Variants in PDK3 observed in about 807,000 individuals in gnomAD.
PDK3 encodes pyruvate dehydrogenase kinase, isozyme 3.
A neutral mutation model predicts 32.0 loss-of-function variants in PDK3; 12 were observed. The observed-to-expected ratio is 0.37, with a 90% CI of 0.24 to 0.61. The LOEUF is 0.61. PDK3 is among the 20% of genes least tolerant of loss of function. PDK3 has a pLI of 0.65. For missense variants in PDK3, 188 were observed against 316.9 expected (o/e 0.59, Z 3.09); for synonymous variants, 122 against 116.3 (o/e 1.05, Z -0.31).
intron 1 of PDK3, among the ~76,000 whole-genome samples, chrX:24,492,497 G>A: frequency 9.0e-6 from 1 of 111,190 alleles, no homozygotes; most frequent in Non-Finnish European, 1.9e-5. Context: ...GCTGAGGCAC[G>A]AGAGCCGCTT....
chrX:24,543,281 T>C (rs1224390464), exon 12 of PDK3, among the ~76,000 whole-genome samples: 2 of 110,929 alleles, frequency 1.8e-5, no homozygotes, highest in Non-Finnish European at 3.8e-5. Context: ...CAGTTATCTT[T>C]CCTTAGATGG....
intron 3 of PDK3, among the ~76,000 whole-genome samples, chrX:24,502,652 T>C (rs1198124832): frequency 9.0e-6 from 1 of 111,610 alleles, no homozygotes; most frequent in Non-Finnish European, 1.9e-5. Flanking sequence ...AAGACCAGCC[T>C]GGCCAATATG....
At chrX:24,489,272 A>G (rs1448995098) in intron 1 of PDK3, among the ~76,000 whole-genome samples, 2 of 112,405 alleles carry the variant, frequency 1.8e-5, no homozygotes, top group Admixed American at 9.4e-5. Context: ...AAAAAGACTT[A>G]TCCTCCTATT....
rs761583492 is a variant in PDK3 at position 24,505,117 on chromosome X, T to C, written c.506-92T>C. On this transcript the variant is annotated intron_variant, in intron 4 of 10. Transcript: ENST00000379162. ...TAAAATGATTTTTACACATAAGATA[T>C]CCTTTCTAAACATAAGCCCCTATAT... 79 of 550,506 alleles carry C rather than the reference T, an allele frequency of 1.4e-4. No individual in the cohort carries two copies. The African/African-American group carries it at 1.6e-3, about 11-fold the overall frequency. The allele number at this position is 550,506 out of a possible 1,213,427, so 45.4% of individuals were successfully genotyped here.
intron 5 of PDK3, chrX:24,513,721 G>GT (rs1355877490): frequency 1.8e-5 from 2 of 111,625 alleles, no homozygotes; most frequent in Non-Finnish European, 3.8e-5. Context: ...TTGAGAACTT[G>GT]TTTTTTTAGG....
chrX:24,471,013 T>C (rs1920985939), intron 1 of PDK3, among the ~76,000 whole-genome samples: 1 of 110,580 alleles, frequency 9.0e-6, no homozygotes, highest in Non-Finnish European at 1.9e-5. Flanking sequence ...TGAGAACACA[T>C]GGACACGGCA....
At chrX:24,482,024 A>C (rs1921273306) in intron 1 of PDK3, among the ~76,000 whole-genome samples, 1 of 112,085 alleles carries the variant, frequency 8.9e-6, no homozygotes, top group African/African-American at 3.2e-5. Flanking sequence ...TATGAGGCCA[A>C]GGGAACTTAC....
chrX:24,532,862 G>A (rs1339151410), intron 10 of PDK3, among the ~76,000 whole-genome samples: 1 of 110,643 alleles, frequency 9.0e-6, no homozygotes, highest in Non-Finnish European at 1.9e-5. Flanking sequence ...TTAAACAGTG[G>A]CATAACATGC....
At chrX:24,537,558 A>G (rs1160637995), downstream of PDK3, among the ~76,000 whole-genome samples, 4 of 110,921 alleles carry the variant, frequency 3.6e-5, no homozygotes, top group Non-Finnish European at 5.7e-5. Context: ...AATATATTTT[A>G]AATCATAAGT....
intron 1 of PDK3, among the ~76,000 whole-genome samples, chrX:24,474,948 A>T (rs778283682): frequency 3.6e-5 from 4 of 111,950 alleles, no homozygotes; most frequent in Non-Finnish European, 7.5e-5. Context: ...TTTCCTTTAG[A>T]ACATATTTTA....
At chrX:24,475,925 A>G (rs1050149824) in intron 1 of PDK3, among the ~76,000 whole-genome samples, 1 of 111,506 alleles carries the variant, frequency 9.0e-6, no homozygotes, top group Non-Finnish European at 1.9e-5. Context: ...TTACTGATCT[A>G]TTGATGGTTG....
intron 1 of PDK3, among the ~76,000 whole-genome samples, chrX:24,473,553 C>T (rs1602099867): frequency 9.2e-6 from 1 of 108,598 alleles, no homozygotes; most frequent in Non-Finnish European, 1.9e-5. Flanking sequence ...TCTCCTGCCT[C>T]AGCCTCCCGA....
chrX:24,480,422 G>A (rs1301296561), intron 1 of PDK3, among the ~76,000 whole-genome samples: 1 of 112,268 alleles, frequency 8.9e-6, no homozygotes, highest in Admixed American at 9.5e-5. Context: ...GCTAGTCCAT[G>A]GTTCTCAGTC....
downstream of PDK3, among the ~76,000 whole-genome samples, chrX:24,537,689 G>A (rs1024398916): frequency 9.0e-6 from 1 of 111,452 alleles, no homozygotes; most frequent in African/African-American, 3.3e-5. Flanking sequence ...CAATGCAACA[G>A]AAAGATATTT....
intron 1 of PDK3, among the ~76,000 whole-genome samples, chrX:24,469,670 T>C (rs1391406764): frequency 1.8e-5 from 2 of 110,414 alleles, no homozygotes; most frequent in Non-Finnish European, 3.8e-5. Context: ...ATCGCACACC[T>C]GGGGTCTTAG....
At chrX:24,481,153 C>T (rs1921248502) in intron 1 of PDK3, among the ~76,000 whole-genome samples, 1 of 109,626 alleles carries the variant, frequency 9.1e-6, no homozygotes, top group Middle Eastern at 4.3e-3. Flanking sequence ...ACGCCATTCT[C>T]CTGCCTCAGC....
intron 6 of PDK3, among the ~76,000 whole-genome samples, 192 bp from the exon 7 acceptor site, chrX:24,526,006 C>A (rs1455239672): frequency 8.9e-6 from 1 of 112,912 alleles, no homozygotes; most frequent in Admixed American, 9.3e-5. Context: ...AGTGAAGGAA[C>A]TGGGTGTCAC....
intron 5 of PDK3, among the ~76,000 whole-genome samples, chrX:24,518,142 A>G (rs1273411362): frequency 8.9e-6 from 1 of 111,899 alleles, no homozygotes; most frequent in African/African-American, 3.3e-5. Context: ...AGCTAGCTGA[A>G]TTGCCAGTAT....
intron 1 of PDK3, among the ~76,000 whole-genome samples, chrX:24,488,913 T>C (rs1921476769): frequency 9.0e-6 from 1 of 111,553 alleles, no homozygotes; most frequent in Non-Finnish European, 1.9e-5. Context: ...ATGAAGTATA[T>C]TGAGAAATGC....
Sources: gnomAD v4.1 joint callset for allele counts (sites outside exome capture counted in the v4.1 genomes callset) on GRCh38, gnomAD v4.1.1 for gene constraint, MANE v1.5 for transcripts, NCBI Gene and HGNC (gene_info 2026-07-23, HGNC 2026-07-21) for gene names.